Variants in FCER1G observed in about 807,000 individuals in gnomAD.
FCER1G encodes Fc epsilon receptor Ig.
FCER1G carries 7 observed loss-of-function variants against 17.3 expected under a neutral mutation model. The observed-to-expected ratio is 0.40, with a 90% CI of 0.23 to 0.76. The LOEUF (loss-of-function observed/expected upper bound fraction) is 0.76, where lower values mean the gene tolerates loss of function less well. Among genes scored for constraint, FCER1G ranks in the 30% least tolerant of loss-of-function variants. The pLI, the probability that FCER1G is intolerant of heterozygous loss-of-function variation, is 0.35. For synonymous variants in FCER1G, 35 were observed against 38.7 expected, an observed-to-expected ratio of 0.90 and a Z score of 0.35; for missense variants, 87 against 97.7, an observed-to-expected ratio of 0.89 and a Z score of 0.46.
Position 161,215,375 on chromosome 1 carries a change from G to C in FCER1G, c.49+5G>C, listed in dbSNP as rs559837665. The C allele has an allele frequency of 6.2e-7, 1 of 1,613,260 alleles. No homozygotes were observed. The highest frequency in any genetic ancestry group is 1.3e-5 in the African/African-American group (1 of 75,018). ...TCCTTTTGGTTGAACAAGCAGGTAAGAGGGTTTGGTGAGGGATAGCGTGAG... is the reference window on the plus strand; with the variant it reads ...TCCTTTTGGTTGAACAAGCAGGTAACAGGGTTTGGTGAGGGATAGCGTGAG... On this transcript the variant is annotated splice_donor_5th_base_variant and intron_variant, in intron 1 of 4. Coordinates refer to ENST00000289902, the MANE Select transcript of FCER1G (RefSeq NM_004106.2).
In FCER1G at chr1:161,218,071, A is replaced by G. The variant is rs1324234963; in HGVS notation, c.135A>G (p.Arg45=). 6.2e-7 allele frequency: 1 copy of G among 1,612,102 alleles called. No individual in the cohort carries two copies. The highest frequency in any genetic ancestry group is 1.3e-5 in the African/African-American group (1 of 74,920). ...YGIVLTLLYC[R]LKIQVRKAAI... ...TTGTCCTCACCCTCCTCTACTGTCG[A>G]CTGAAGGTAGCGCTGGGCAGGGTGG... Residue 45 remains arginine, a synonymous_variant, in exon 2 of 5, where the codon CGA becomes CGG. Transcript: ENST00000289902.
In FCER1G at chr1:161,219,218, A is replaced by G. The variant is rs1571632168; in HGVS notation, c.*275A>G. 2 of 489,120 alleles carry G rather than the reference A, an allele frequency of 4.1e-6. No individual in the cohort carries two copies. The allele number at this position is 489,120 out of a possible 1,614,324, so 30.3% of individuals were successfully genotyped here. A position where few individuals can be genotyped will look rare whatever the true frequency, so the allele number is the denominator to read the frequency against. On this transcript the variant is annotated 3_prime_UTR_variant, in exon 5 of 5. Coordinates refer to ENST00000289902, the MANE Select transcript of FCER1G (RefSeq NM_004106.2). ...TCCAGCTAAAATATGGGAAGGGAGA[A>G]CCCCCAATAAAACTGCCATGGACTG...
intron 1 of FCER1G, among the ~76,000 whole-genome samples, chr1:161,217,308 C>A: frequency 6.6e-6 from 1 of 151,688 alleles, no homozygotes; most frequent in Non-Finnish European, 1.5e-5. Flanking sequence ...GAGCTGGAAT[C>A]CATATAGCTG....
chr1:161,218,669 G>C, intron 3 of FCER1G, 34 bp from the exon 4 acceptor site: 4 of 1,613,450 alleles, frequency 2.5e-6, no homozygotes, highest in Non-Finnish European at 3.4e-6. Flanking sequence ...AGAAAGTGTG[G>C]GTCTTTAATG....
chr1:161,218,149 G>C lies in FCER1G; in HGVS notation c.141+72G>C, dbSNP rs2102065070. 2.0e-6 allele frequency: 3 copies of C among 1,538,350 alleles called. No individual in the cohort carries two copies. The South Asian group carries it at 3.3e-5, about 17-fold the overall frequency. ...GAGGGCAGCAGCAAGGATTCGAAGA[G>C]AAGGAATAAAAGGGGATCCTCCACA... On this transcript the variant is annotated intron_variant, in intron 2 of 4. Coordinates refer to ENST00000289902, the MANE Select transcript of FCER1G (RefSeq NM_004106.2).
intron 1 of FCER1G, among the ~76,000 whole-genome samples, chr1:161,216,411 C>CACACACACACACACACACACACACATAT (rs1491150470): frequency 7.7e-6 from 1 of 129,754 alleles, no homozygotes; most frequent in Non-Finnish European, 1.6e-5. Context: ...CACACACACA[C>CACACACACACACACACACACACACATAT]ATATATATAT....
intron 1 of FCER1G, among the ~76,000 whole-genome samples, chr1:161,215,741 C>T (rs913169720): frequency 1.3e-5 from 2 of 151,948 alleles, no homozygotes; most frequent in Admixed American, 6.6e-5. Context: ...TACAGGTGCC[C>T]GCCACCACGC....
At chr1:161,218,114 G>C (rs1666085998) in intron 2 of FCER1G, 37 bp downstream of exon 2, 2 of 1,555,720 alleles carry the variant, frequency 1.3e-6, no homozygotes, top group Non-Finnish European at 1.8e-6. Flanking sequence ...GCTGGAAGGG[G>C]AAGTGGGAGG....
chr1:161,215,393 A>G, intron 1 of FCER1G, 23 bp downstream of exon 1: 14 of 1,609,312 alleles, frequency 8.7e-6, no homozygotes, highest in Non-Finnish European at 1.2e-5. Flanking sequence ...GGTGAGGGAT[A>G]GCGTGAGCTG....
Position 161,215,505 on chromosome 1 carries a change from A to T in FCER1G, c.49+135A>T, listed in dbSNP as rs150370338. Reference sequence around the variant, plus strand: ...GTGGGCATAGGGAGACCCTGAGGCTAGTCCTCTCCAGCCCCGACCCAGGGC... The same window carrying T: ...GTGGGCATAGGGAGACCCTGAGGCTTGTCCTCTCCAGCCCCGACCCAGGGC... On this transcript the variant is annotated intron_variant, in intron 1 of 4. Transcript: ENST00000289902. 175 of 779,270 alleles carry T rather than the reference A, an allele frequency of 2.2e-4. No homozygotes were observed. The African/African-American group carries it at 2.6e-3, about 12-fold the overall frequency. 48.3% of individuals were successfully genotyped at this position (779,270 alleles called of 1,614,324 possible). A position where few individuals can be genotyped will look rare whatever the true frequency, so the allele number is the denominator to read the frequency against.
At chr1:161,216,413 T>C (rs7417397) in intron 1 of FCER1G, among the ~76,000 whole-genome samples, 7,256 of 138,322 alleles carry the variant, frequency 0.052, 172 homozygotes, top group Non-Finnish European at 0.068. Context: ...CACACACACA[T>C]ATATATATAT....
Position 161,219,123 on chromosome 1 carries a change from G to A in FCER1G, c.*180G>A. 5 of 603,692 alleles carry A rather than the reference G, an allele frequency of 8.3e-6. No homozygotes were observed. Among genetic ancestry groups the A allele is most frequent in the Non-Finnish European group, 1.5e-5 (5 of 335,570 alleles). The allele number at this position is 603,692 out of a possible 1,614,324, so 37.4% of individuals were successfully genotyped here. A position where few individuals can be genotyped will look rare whatever the true frequency, so the allele number is the denominator to read the frequency against. The stretch of plus-strand genomic sequence containing the variant: ...CCCTGTTAAAGACTAATGCTCAGAT[G>A]CTGTTTACGGATATTTATATTCTAG... On this transcript the variant is annotated 3_prime_UTR_variant, in exon 5 of 5. Transcript: ENST00000289902.
Position 161,216,427 on chromosome 1 carries a change from T to TAGAGAG in FCER1G, c.49+1075_49+1080dup, listed in dbSNP as rs543686283. On this transcript the variant is annotated intron_variant, in intron 1 of 4. Transcript: ENST00000289902. The stretch of plus-strand genomic sequence containing the variant: ...ACACACACACATATATATATATATA[T>TAGAGAG]AGAGAGAGAGAGAGAGAGAGAGATA... Among the ~76,000 whole-genome samples, 412 of 136,114 alleles carry TAGAGAG rather than the reference T, an allele frequency of 3.0e-3. 3 individuals carry two copies. Among genetic ancestry groups the TAGAGAG allele is most frequent in the East Asian group, 8.2e-3 (39 of 4,766 alleles). 89.3% of individuals were successfully genotyped at this position (136,114 alleles called of 152,430 possible).
chr1:161,217,063 C>T lies in FCER1G; in HGVS notation c.50-923C>T, dbSNP rs115424149. Among the ~76,000 whole-genome samples, 918 of 152,254 alleles carry T rather than the reference C, an allele frequency of 6.0e-3. 6 individuals carry two copies. Among genetic ancestry groups the T allele is most frequent in the African/African-American group, 0.019 (804 of 41,528 alleles). ...CCATAAAATGGCGATGATGATGTTT[C>T]CCTCACAGGGTAGTTTTAAGATTTG... On this transcript the variant is annotated intron_variant, in intron 1 of 4. Transcript: ENST00000289902.
chr1:161,215,998 G>A (rs1005847420), intron 1 of FCER1G, among the ~76,000 whole-genome samples: 1 of 152,102 alleles, frequency 6.6e-6, no homozygotes, highest in African/African-American at 2.4e-5. Flanking sequence ...GTGCTACTGT[G>A]CCTGGCTGAC....
At chr1:161,218,817 G>T (rs1027051297) in intron 4 of FCER1G, 64 bp from the exon 5 acceptor site, 1 of 1,577,956 alleles carries the variant, frequency 6.3e-7, no homozygotes, top group African/African-American at 1.3e-5. Context: ...GGGGGGTCCT[G>T]TGGAGGTGGG....
Position 161,219,118 on chromosome 1 carries a change from C to G in FCER1G, c.*175C>G, listed in dbSNP as rs1252256016. On this transcript the variant is annotated 3_prime_UTR_variant, in exon 5 of 5. Coordinates refer to ENST00000289902, the MANE Select transcript of FCER1G (RefSeq NM_004106.2). ...CTCCTCCCTGTTAAAGACTAATGCT[C>G]AGATGCTGTTTACGGATATTTATAT... 2 of 609,762 alleles carry G rather than the reference C, an allele frequency of 3.3e-6. No homozygotes were observed. The highest frequency in any genetic ancestry group is 5.9e-6 in the Non-Finnish European group (2 of 337,808). 37.8% of individuals were successfully genotyped at this position (609,762 alleles called of 1,614,324 possible). A position where few individuals can be genotyped will look rare whatever the true frequency, so the allele number is the denominator to read the frequency against.
At chr1:161,217,385 CTTTTTTT>C (rs748410818) in intron 1 of FCER1G, among the ~76,000 whole-genome samples, 3 of 121,390 alleles carry the variant, frequency 2.5e-5, no homozygotes, top group African/African-American at 9.2e-5. Context: ...AACAGACACA[CTTTTTTT>C]TTTTTTTTTT....
Position 161,219,023 on chromosome 1 carries a change from T to G in FCER1G, c.*80T>G. The G allele has an allele frequency of 9.5e-7, 1 of 1,054,374 alleles. No homozygotes were observed. Among genetic ancestry groups the G allele is most frequent in the African/African-American group, 1.6e-5 (1 of 64,164 alleles). The allele number at this position is 1,054,374 out of a possible 1,614,324, so 65.3% of individuals were successfully genotyped here. ...ATGGTTGGCATCACATATGCCTGCA[T>G]GCCATTAACACCAGCTGGCCCTACC... On this transcript the variant is annotated 3_prime_UTR_variant, in exon 5 of 5. Transcript: ENST00000289902.
Sources: allele counts gnomAD v4.1 joint callset (sites outside exome capture counted in the v4.1 genomes callset), GRCh38; gene constraint gnomAD v4.1.1; transcripts MANE v1.5; gene names NCBI Gene and HGNC (gene_info 2026-07-23, HGNC 2026-07-21).